Variants in SPMIP2 observed in about 807,000 individuals in gnomAD.
The protein encoded by SPMIP2 is protein SPMIP2.
the SPMIP2 span, among the ~76,000 whole-genome samples, chr4:158,944,949 T>C: frequency 7.2e-5 from 11 of 152,150 alleles, no homozygotes; most frequent in African/African-American, 2.7e-4. Flanking sequence ...TCGCTTTGGG[T>C]ACTATGTAAA....
chr4:159,049,251 A>G, the SPMIP2 span, among the ~76,000 whole-genome samples: 1 of 152,330 alleles, frequency 6.6e-6, no homozygotes, highest in Non-Finnish European at 1.5e-5. Context: ...TGGACCAAGT[A>G]AGCTCTCGTA....
the SPMIP2 span, among the ~76,000 whole-genome samples, chr4:158,998,675 CA>C: frequency 6.6e-6 from 1 of 152,132 alleles, no homozygotes; most frequent in Non-Finnish European, 1.5e-5. Context: ...CTAAATTATA[CA>C]GATAGATTGG....
chr4:159,043,080 A>AATGTACCTC, the SPMIP2 span, among the ~76,000 whole-genome samples: 1 of 152,138 alleles, frequency 6.6e-6, no homozygotes, highest in South Asian at 2.1e-4. Context: ...CACTTAGCAA[A>AATGTACCTC]ATGTACCTGT....
chr4:158,917,317 C>A, the SPMIP2 span, among the ~76,000 whole-genome samples: 99,439 of 145,554 alleles, frequency 0.68, 34,072 homozygotes, highest in East Asian at 0.93. Context: ...ATCCCAGCTA[C>A]TCGGGAGGCC....
the SPMIP2 span, among the ~76,000 whole-genome samples, chr4:158,926,852 A>G: frequency 6.6e-6 from 1 of 152,232 alleles, no homozygotes; most frequent in Admixed American, 6.5e-5. Flanking sequence ...GGGAAATCCA[A>G]AAAAGGAAAT....
At chr4:158,979,765 G>C in the SPMIP2 span, among the ~76,000 whole-genome samples, 2 of 147,016 alleles carry the variant, frequency 1.4e-5, no homozygotes, top group Non-Finnish European at 3.0e-5. Context: ...GGCTGTTTGG[G>C]AAGCCACTGA....
chr4:158,951,894 A>T, the SPMIP2 span, among the ~76,000 whole-genome samples: 5 of 152,328 alleles, frequency 3.3e-5, no homozygotes, highest in Admixed American at 3.3e-4. Context: ...TACAGATGTG[A>T]GGTGAAGAAA....
At chr4:159,072,283 AG>A in the SPMIP2 span, among the ~76,000 whole-genome samples, 1 of 152,202 alleles carries the variant, frequency 6.6e-6, no homozygotes, top group South Asian at 2.1e-4. Context: ...CACTCACTCC[AG>A]CCTGAGTGAT....
At chr4:158,941,667 G>A in the SPMIP2 span, among the ~76,000 whole-genome samples, 1 of 152,100 alleles carries the variant, frequency 6.6e-6, no homozygotes, top group Non-Finnish European at 1.5e-5. Flanking sequence ...TCAGAAAACA[G>A]AAAGGAGATT....
the SPMIP2 span, among the ~76,000 whole-genome samples, chr4:159,030,295 C>G: frequency 6.6e-6 from 1 of 151,754 alleles, no homozygotes; most frequent in Non-Finnish European, 1.5e-5. Flanking sequence ...ACCTATAGTC[C>G]CAGCCACTTG....
At chr4:159,053,018 G>C in the SPMIP2 span, among the ~76,000 whole-genome samples, 1 of 140,460 alleles carries the variant, frequency 7.1e-6, no homozygotes. Context: ...GTGCAGTGGC[G>C]GGATCTCGGC....
the SPMIP2 span, among the ~76,000 whole-genome samples, chr4:158,897,201 A>C: frequency 6.6e-6 from 1 of 152,306 alleles, no homozygotes; most frequent in African/African-American, 2.4e-5. Context: ...ATAGTATTCC[A>C]TGGTGTATAT....
the SPMIP2 span, among the ~76,000 whole-genome samples, chr4:158,998,448 A>T: frequency 6.6e-6 from 1 of 152,240 alleles, no homozygotes; most frequent in Non-Finnish European, 1.5e-5. Context: ...TATTTTGTAG[A>T]TTCATAAAAG....
At chr4:159,002,635 G>T in the SPMIP2 span, among the ~76,000 whole-genome samples, 1 of 152,100 alleles carries the variant, frequency 6.6e-6, no homozygotes, top group East Asian at 1.9e-4. Context: ...GTCCATTTTT[G>T]TATATAAGAA....
chr4:158,985,094 A>C, the SPMIP2 span, among the ~76,000 whole-genome samples: 13 of 147,826 alleles, frequency 8.8e-5, no homozygotes, highest in African/African-American at 2.8e-4. Context: ...AAGAAGTTGA[A>C]TCTCTGAATA....
At chr4:159,011,753 CCAAAAA>C in the SPMIP2 span, among the ~76,000 whole-genome samples, 483 of 129,660 alleles carry the variant, frequency 3.7e-3, 7 homozygotes, top group African/African-American at 0.013. Context: ...AAACTCCATC[CCAAAAA>C]AAAAAAAAAA....
chr4:158,941,684 C>T, the SPMIP2 span, among the ~76,000 whole-genome samples: 1 of 152,088 alleles, frequency 6.6e-6, no homozygotes, highest in African/African-American at 2.4e-5. Flanking sequence ...GATTTCTGCT[C>T]AAATTATTGT....
chr4:159,051,350 G>A, the SPMIP2 span, among the ~76,000 whole-genome samples: 1 of 152,034 alleles, frequency 6.6e-6, no homozygotes, highest in Non-Finnish European at 1.5e-5. Flanking sequence ...GGGGAGCTTC[G>A]TCCTTCTTGA....
At chr4:158,960,960 T>A in the SPMIP2 span, among the ~76,000 whole-genome samples, 22 of 138,352 alleles carry the variant, frequency 1.6e-4, no homozygotes, top group African/African-American at 4.8e-4. Context: ...TACTGACTCC[T>A]CTTCTCTAGG....
Sources: allele counts gnomAD v4.1 joint callset (sites outside exome capture counted in the v4.1 genomes callset), GRCh38; gene constraint gnomAD v4.1.1; transcripts MANE v1.5; gene names NCBI Gene and HGNC (gene_info 2026-07-23, HGNC 2026-07-21).